The following TNS3 variants were observed in gnomAD, a reference collection of about 807,000 sequenced individuals.
TNS3 encodes tensin-3.
TNS3 carries 45 observed loss-of-function variants against 140.9 expected under a neutral mutation model. That is an observed-to-expected ratio of 0.32 (90% CI 0.25 to 0.41). The LOEUF is 0.41. Ranked by LOEUF, TNS3 falls within the 10% of genes least tolerant of loss-of-function variation. The pLI, the probability that TNS3 is intolerant of heterozygous loss-of-function variation, is 1.00. For synonymous variants in TNS3, 815 were observed against 788.4 expected (o/e 1.03, Z -0.56); for missense variants, 1,716 against 1,906.7 (o/e 0.90, Z 1.86).
chr7:47,458,828 C>G (rs764856329), intron 4 of TNS3, among the ~76,000 whole-genome samples: 4 of 152,208 alleles, frequency 2.6e-5, no homozygotes, highest in African/African-American at 4.8e-5. Flanking sequence ...TTTTAAATAA[C>G]AAGTACCACC....
At chr7:47,406,424 T>C (rs1383992267) in intron 13 of TNS3, among the ~76,000 whole-genome samples, 1 of 152,206 alleles carries the variant, frequency 6.6e-6, no homozygotes, top group Non-Finnish European at 1.5e-5. Flanking sequence ...CTCTGTGAAC[T>C]TGACCACTGT....
chr7:47,332,979 G>T (rs1411273112), intron 20 of TNS3, among the ~76,000 whole-genome samples: 1 of 152,242 alleles, frequency 6.6e-6, no homozygotes, highest in African/African-American at 2.4e-5. Context: ...TAGAAAAGCA[G>T]ATTCCTCTAA....
chr7:47,302,131 A>G, intron 23 of TNS3, 55 bp downstream of exon 23: 1 of 1,448,872 alleles, frequency 6.9e-7, no homozygotes, highest in Non-Finnish European at 9.7e-7. Context: ...CACACAAGGC[A>G]GCGAAGCGGG....
intron 16 of TNS3, among the ~76,000 whole-genome samples, chr7:47,387,768 C>T (rs1792157598): frequency 6.6e-6 from 1 of 152,212 alleles, no homozygotes; most frequent in Admixed American, 6.5e-5. Flanking sequence ...AGCCAGAGCA[C>T]GCACAAGTTC....
intron 3 of TNS3, among the ~76,000 whole-genome samples, chr7:47,496,667 C>T (rs908375882): frequency 7.2e-5 from 11 of 152,298 alleles, no homozygotes; most frequent in Middle Eastern, 3.4e-3. Flanking sequence ...CAGTACAGAA[C>T]GCCAGGCACA....
At chr7:47,441,582 C>T (rs2151575851) in intron 5 of TNS3, among the ~76,000 whole-genome samples, 1 of 152,300 alleles carries the variant, frequency 6.6e-6, no homozygotes, top group East Asian at 1.9e-4. Context: ...CATTCCAATT[C>T]AAATGTATTG....
At chr7:47,580,055 T>C (rs1784491641) in intron 1 of TNS3, among the ~76,000 whole-genome samples, 1 of 151,800 alleles carries the variant, frequency 6.6e-6, no homozygotes, top group African/African-American at 2.4e-5. Context: ...GCCCTGGGGC[T>C]ACTAGTTTTT....
rs1443676339 is a variant in TNS3, at chr7:47,304,849, A to C, written c.2805T>G (p.Pro935=). The C allele has an allele frequency of 7.2e-7, 1 of 1,387,630 alleles. No individual in the cohort carries two copies. Among genetic ancestry groups the C allele is most frequent in the Non-Finnish European group, 9.4e-7 (1 of 1,059,990 alleles). 86.0% of individuals were successfully genotyped at this position (1,387,630 alleles called of 1,614,324 possible). The change falls in exon 21 of 31, where the codon CCT becomes CCG. Residue 935 remains proline, a synonymous_variant. Transcript: ENST00000311160. ...CTTCTTACCTCTCTCTCCTCTGCCC[A>C]GGGCCGTTGCTGGAAATGGTGCAGG... ...ASSCTISSNG[P]GQRRESSSSA... is the part of the protein sequence containing the mutation.
chr7:47,283,190 TAAAG>T (rs1308012076), intron 28 of TNS3, among the ~76,000 whole-genome samples: 1 of 152,204 alleles, frequency 6.6e-6, no homozygotes, highest in Non-Finnish European at 1.5e-5. Context: ...GGGCATTCAG[TAAAG>T]ATCCACATGG....
intron 2 of TNS3, among the ~76,000 whole-genome samples, chr7:47,524,907 G>C (rs62448396): frequency 6.6e-6 from 1 of 151,410 alleles, no homozygotes; most frequent in African/African-American, 2.4e-5. Flanking sequence ...AAAGAAGAAA[G>C]GGATAAACCA....
chr7:47,447,654 C>G (rs761956260), intron 4 of TNS3, among the ~76,000 whole-genome samples: 1 of 152,144 alleles, frequency 6.6e-6, no homozygotes. Flanking sequence ...AGTGACCCTA[C>G]AGTTCTCAGT....
At chr7:47,570,492 T>C (rs1195513024) in intron 1 of TNS3, among the ~76,000 whole-genome samples, 1 of 152,272 alleles carries the variant, frequency 6.6e-6, no homozygotes, top group Non-Finnish European at 1.5e-5. Context: ...TAAGATGAGT[T>C]GTAAATGGTT....
chr7:47,396,691 G>A, intron 16 of TNS3, 109 bp downstream of exon 16: 2 of 869,684 alleles, frequency 2.3e-6, no homozygotes, highest in South Asian at 2.9e-5. Context: ...TGAGAAAACA[G>A]GGGAAATTTT....
At chr7:47,405,126 A>G (rs1469580603) in intron 13 of TNS3, among the ~76,000 whole-genome samples, 12 of 152,166 alleles carry the variant, frequency 7.9e-5, no homozygotes, top group Admixed American at 7.9e-4. Context: ...CTCCATCAAC[A>G]AGAGAAAAAG....
intron 9 of TNS3, among the ~76,000 whole-genome samples, chr7:47,427,727 C>T (rs1029481625): frequency 5.3e-5 from 8 of 152,216 alleles, no homozygotes; most frequent in African/African-American, 1.9e-4. Context: ...TCATGGAAAC[C>T]AGCCCAGACC....
At chr7:47,316,662 C>A (rs1787430997) in intron 20 of TNS3, among the ~76,000 whole-genome samples, 1 of 149,722 alleles carries the variant, frequency 6.7e-6, no homozygotes, top group Non-Finnish European at 1.5e-5. Context: ...AACACCGTCT[C>A]TATTCAAAAT....
At chr7:47,296,783 G>A (rs940776646) in intron 24 of TNS3, among the ~76,000 whole-genome samples, 1 of 152,110 alleles carries the variant, frequency 6.6e-6, no homozygotes, top group Non-Finnish European at 1.5e-5. Flanking sequence ...ACAGGGTGGT[G>A]AGGGGGGTAG....
At chr7:47,446,263 T>C (rs900832917) in intron 4 of TNS3, among the ~76,000 whole-genome samples, 6 of 152,028 alleles carry the variant, frequency 3.9e-5, no homozygotes, top group Non-Finnish European at 7.4e-5. Flanking sequence ...AGGTGCCTGC[T>C]ACCATGCCCA....
rs144027430 is a variant in TNS3 at position 47,551,089 on chromosome 7, G to A, written c.-264-21942C>T. Among the ~76,000 whole-genome samples the A allele has an allele frequency of 3.1e-3, 465 of 152,320 alleles. 1 individual carries two copies. Among genetic ancestry groups the A allele is most frequent in the Non-Finnish European group, 5.2e-3 (357 of 68,028 alleles). On this transcript the variant is annotated intron_variant, in intron 1 of 30. Transcript: ENST00000311160. ...TGAATAGCATTCACCAGACCTGTGG[G>A]AAGCGCCAGGAAGATCTTCCTAAAA... is the stretch of plus-strand genomic sequence containing the variant.
Sources: gnomAD v4.1 joint callset for allele counts (sites outside exome capture counted in the v4.1 genomes callset) on GRCh38, gnomAD v4.1.1 for gene constraint, MANE v1.5 for transcripts, NCBI Gene and HGNC (gene_info 2026-07-23, HGNC 2026-07-21) for gene names.